Variants in SLC24A2 observed in about 807,000 individuals in gnomAD.
The protein encoded by SLC24A2 is solute carrier family 24 member 2, also known as sodium/potassium/calcium exchanger 2.
SLC24A2 carries 36 observed loss-of-function variants against 62.0 expected under a neutral mutation model. The observed-to-expected ratio is 0.58, with a 90% CI of 0.44 to 0.77. The LOEUF is 0.77. SLC24A2 is among the 30% of genes least tolerant of loss of function. The probability of loss-of-function intolerance (pLI) is 0.00; values close to 1 mark genes in which losing one functional copy is unlikely to be tolerated. For synonymous variants in SLC24A2, 358 were observed against 294.0 expected (o/e 1.22, Z -2.23); for missense variants, 846 against 817.9 (o/e 1.03, Z -0.42).
At chr9:19,980,814 T>C in the SLC24A2 span, among the ~76,000 whole-genome samples, 1 of 152,176 alleles carries the variant, frequency 6.6e-6, no homozygotes, top group African/African-American at 2.4e-5. Flanking sequence ...TTAAATGGGA[T>C]AACATGTACA....
At chr9:19,922,897 TATAA>T in the SLC24A2 span, among the ~76,000 whole-genome samples, 32 of 151,556 alleles carry the variant, frequency 2.1e-4, no homozygotes, top group African/African-American at 5.1e-4. Flanking sequence ...TTTAAATATT[TATAA>T]ATATTTACAT....
At chr9:19,907,773 A>G in the SLC24A2 span, among the ~76,000 whole-genome samples, 3 of 152,252 alleles carry the variant, frequency 2.0e-5, no homozygotes, top group Non-Finnish European at 2.9e-5. Context: ...AACCCAACTT[A>G]CAAGGGATTT....
At chr9:20,152,632 T>A in the SLC24A2 span, among the ~76,000 whole-genome samples, 9 of 151,978 alleles carry the variant, frequency 5.9e-5, no homozygotes, top group African/African-American at 2.2e-4. Flanking sequence ...AAACAATCAG[T>A]CTGGGAGTGA....
the SLC24A2 span, among the ~76,000 whole-genome samples, chr9:20,051,657 C>CTCTTTTTTTTTTTTTTTTTTTTTTTT: frequency 4.8e-4 from 35 of 73,510 alleles, 1 homozygote; most frequent in Admixed American, 1.6e-3. Context: ...TTTTCTTTCT[C>CTCTTTTTTTTTTTTTTTTTTTTTTTT]TTTTTTTTTT....
rs549330079 is a variant in SLC24A2 at position 19,518,427 on chromosome 9, T to TTTC, written c.1737-2026_1737-2025insGAA. On this transcript the variant is annotated intron_variant, in intron 10 of 10. Coordinates refer to ENST00000341998, the MANE Select transcript of SLC24A2 (RefSeq NM_020344.4). ...TTTCTTTCTTTTTCTTTTCTTTTCT[T>TTTC]TTTTTTTTTTTTGAGATGGAGTCTT... Among the ~76,000 whole-genome samples, 12 of 146,798 alleles carry TTTC rather than the reference T, an allele frequency of 8.2e-5. No homozygotes were observed. The South Asian group carries it at 1.7e-3, about 21-fold the overall frequency.
chr9:20,097,278 ATT>A, the SLC24A2 span, among the ~76,000 whole-genome samples: 1 of 152,162 alleles, frequency 6.6e-6, no homozygotes, highest in Non-Finnish European at 1.5e-5. Flanking sequence ...TTGCCCGATA[ATT>A]CATCATATCT....
intron 2 of SLC24A2, among the ~76,000 whole-genome samples, chr9:19,706,704 C>G (rs1209612676): frequency 3.9e-5 from 6 of 152,080 alleles, no homozygotes; most frequent in Admixed American, 3.3e-4. Context: ...TCCAATTTGC[C>G]AAGGAGAACA....
the SLC24A2 span, among the ~76,000 whole-genome samples, chr9:20,152,298 C>G: frequency 6.6e-6 from 1 of 151,878 alleles, no homozygotes; most frequent in African/African-American, 2.4e-5. Flanking sequence ...ATTTAAGAAC[C>G]AAAGGATCTA....
chr9:19,692,995 C>T (rs1233423719), intron 2 of SLC24A2, among the ~76,000 whole-genome samples: 1 of 152,090 alleles, frequency 6.6e-6, no homozygotes, highest in Non-Finnish European at 1.5e-5. Flanking sequence ...GTGTTTCTGT[C>T]CATAAAATGG....
the SLC24A2 span, among the ~76,000 whole-genome samples, chr9:19,895,194 T>C: frequency 6.6e-6 from 1 of 151,934 alleles, no homozygotes; most frequent in African/African-American, 2.4e-5. Flanking sequence ...CTCAGCGATT[T>C]AGAGGAAATC....
At chr9:19,815,959 C>CCTTTTTTTTTTTTT in the SLC24A2 span, among the ~76,000 whole-genome samples, 1 of 103,430 alleles carries the variant, frequency 9.7e-6, no homozygotes, top group Admixed American at 1.2e-4. Flanking sequence ...TTTTTTGCCC[C>CCTTTTTTTTTTTTT]TTTTTTTTTT....
At chr9:20,103,194 G>A in the SLC24A2 span, among the ~76,000 whole-genome samples, 3 of 152,208 alleles carry the variant, frequency 2.0e-5, no homozygotes, top group Non-Finnish European at 2.9e-5. Flanking sequence ...AAGCAACTGG[G>A]AAGCTCAAAC....
At chr9:20,000,751 A>C in the SLC24A2 span, among the ~76,000 whole-genome samples, 1 of 152,202 alleles carries the variant, frequency 6.6e-6, no homozygotes, top group Non-Finnish European at 1.5e-5. Context: ...CTTAAGCATA[A>C]AGACAGGAAA....
the SLC24A2 span, among the ~76,000 whole-genome samples, chr9:19,810,696 C>T: frequency 1.3e-5 from 2 of 152,154 alleles, no homozygotes; most frequent in Non-Finnish European, 2.9e-5. Flanking sequence ...ATCCATAGCT[C>T]TTTTGTATAC....
Position 19,516,138 on chromosome 9 carries a change from A to AT in SLC24A2, c.*14dup, listed in dbSNP as rs1832914018. ...GGACCATTCATGCTGCTGGTGCAAG[A>AT]TATGGCTTTTCCTGCTAGATGGAGA... On this transcript the variant is annotated 3_prime_UTR_variant, in exon 11 of 11. Transcript: ENST00000341998. 6.2e-7 allele frequency: 1 copy of AT among 1,614,000 alleles called. No homozygotes were observed. Among genetic ancestry groups the AT allele is most frequent in the Non-Finnish European group, 8.5e-7 (1 of 1,179,972 alleles).
chr9:19,717,560 T>C (rs551816381), intron 2 of SLC24A2, among the ~76,000 whole-genome samples: 2 of 152,338 alleles, frequency 1.3e-5, no homozygotes, highest in African/African-American at 2.4e-5. Flanking sequence ...AAAAATCCTA[T>C]TGATTTGTCT....
chr9:19,753,353 A>C (rs962472375), intron 2 of SLC24A2, among the ~76,000 whole-genome samples: 2 of 152,240 alleles, frequency 1.3e-5, no homozygotes, highest in African/African-American at 4.8e-5. Flanking sequence ...GCTTTTAAGA[A>C]TAGAGACAGC....
intron 7 of SLC24A2, among the ~76,000 whole-genome samples, chr9:19,565,316 C>T (rs537693314): frequency 7.8e-5 from 11 of 141,592 alleles, no homozygotes; most frequent in Non-Finnish European, 1.2e-4. Flanking sequence ...TCTTATACAC[C>T]AACAACAGAC....
At chr9:19,823,310 T>C in the SLC24A2 span, among the ~76,000 whole-genome samples, 1 of 151,846 alleles carries the variant, frequency 6.6e-6, no homozygotes, top group Non-Finnish European at 1.5e-5. Flanking sequence ...TGTGTGTGTG[T>C]GTGTGTGTGT....
Sources: gnomAD v4.1 joint callset for allele counts (sites outside exome capture counted in the v4.1 genomes callset) on GRCh38, gnomAD v4.1.1 for gene constraint, MANE v1.5 for transcripts, NCBI Gene and HGNC (gene_info 2026-07-23, HGNC 2026-07-21) for gene names.